TXNDC16: variants seen among roughly 807,000 people sequenced by gnomAD.
The protein encoded by TXNDC16 is thioredoxin domain-containing protein 16.
In TXNDC16, 74 loss-of-function variants were observed where a neutral mutation model predicts 85.6. The ratio of observed to expected loss-of-function variants is 0.86; its 90% CI spans 0.72 to 1.05. The LOEUF (loss-of-function observed/expected upper bound fraction) is 1.05, where lower values mean the gene tolerates loss of function less well. Among genes scored for constraint, TXNDC16 ranks in the 50% least tolerant of loss-of-function variants. The pLI is 0.00. For synonymous variants in TXNDC16, 335 were observed against 326.5 expected, an observed-to-expected ratio of 1.03 and a Z score of -0.28; for missense variants, 959 against 947.0, an observed-to-expected ratio of 1.01 and a Z score of -0.17.
chr14:52,507,819 AT>A (rs2036848983), intron 9 of TXNDC16, among the ~76,000 whole-genome samples: 1 of 152,246 alleles, frequency 6.6e-6, no homozygotes, highest in Non-Finnish European at 1.5e-5. Flanking sequence ...TGGGGAAAGG[AT>A]TCCCTATTTA....
intron 16 of TXNDC16, among the ~76,000 whole-genome samples, chr14:52,466,870 A>T (rs922941601): frequency 1.2e-4 from 18 of 152,044 alleles, no homozygotes; most frequent in African/African-American, 3.9e-4. Flanking sequence ...CCATCTCAAA[A>T]AATAATAATA....
chr14:52,542,889 T>C (rs2140229933), intron 3 of TXNDC16, among the ~76,000 whole-genome samples: 1 of 152,292 alleles, frequency 6.6e-6, no homozygotes, highest in East Asian at 1.9e-4. Context: ...ATAGTACTTT[T>C]AAGACATGAA....
intron 1 of TXNDC16, among the ~76,000 whole-genome samples, chr14:52,544,749 C>G (rs186696294): frequency 6.2e-4 from 94 of 151,824 alleles, no homozygotes; most frequent in African/African-American, 2.1e-3. Context: ...CCTAATAATT[C>G]TGTTCTTCAG....
At chr14:52,456,464 A>G (rs1226120105) in intron 17 of TXNDC16, among the ~76,000 whole-genome samples, 1 of 152,208 alleles carries the variant, frequency 6.6e-6, no homozygotes, top group Non-Finnish European at 1.5e-5. Flanking sequence ...GTTCAAGATG[A>G]AAGATTTAAG....
intron 6 of TXNDC16, among the ~76,000 whole-genome samples, chr14:52,529,898 T>C (rs2037452672): frequency 9.7e-6 from 1 of 103,550 alleles, no homozygotes; most frequent in South Asian, 3.0e-4. Flanking sequence ...TTATATATTA[T>C]ATATTATATA....
intron 7 of TXNDC16, among the ~76,000 whole-genome samples, chr14:52,515,771 T>C (rs1483427545): frequency 6.6e-6 from 1 of 151,760 alleles, no homozygotes; most frequent in African/African-American, 2.4e-5. Flanking sequence ...CTTCCTACTG[T>C]GGAAGATGAC....
intron 9 of TXNDC16, 60 bp downstream of exon 9, chr14:52,511,180 T>C (rs2036944775): frequency 1.5e-6 from 2 of 1,351,344 alleles, no homozygotes; most frequent in Middle Eastern, 3.9e-4. Context: ...ATAAGACACA[T>C]ACCTTTTGCA....
At chr14:52,459,695 G>A (rs536095271) in intron 16 of TXNDC16, among the ~76,000 whole-genome samples, 18 of 152,226 alleles carry the variant, frequency 1.2e-4, no homozygotes, top group African/African-American at 3.9e-4. Flanking sequence ...AAATCCAGTA[G>A]CACATCAAAA....
intron 8 of TXNDC16, among the ~76,000 whole-genome samples, chr14:52,514,123 T>C (rs992463010): frequency 6.6e-6 from 1 of 152,166 alleles, no homozygotes; most frequent in African/African-American, 2.4e-5. Flanking sequence ...CTCTGCCTAC[T>C]CTCCTTCCCT....
At position 52,537,586 on chromosome 14, in the gene TXNDC16, G is replaced by T; in HGVS notation, c.317+13C>A. 6.4e-7 allele frequency: 1 copy of T among 1,550,470 alleles called. No homozygotes were observed. The highest frequency in any genetic ancestry group is 1.1e-5 in the South Asian group (1 of 89,656). ...CTTTGTATTTGTCCAGCACACTCAG[G>T]AAAATAGCTTACTTGAATAAATATG... On this transcript the variant is annotated intron_variant, in intron 5 of 20. Transcript: ENST00000281741.
rs913550039 is a variant in TXNDC16 at position 52,431,657 on chromosome 14, C to A, written c.*647G>T. 7 of 152,206 alleles carry A rather than the reference C, an allele frequency of 4.6e-5. No individual in the cohort carries two copies. Among genetic ancestry groups the A allele is most frequent in the Non-Finnish European group, 8.8e-5 (6 of 68,048 alleles). 9.4% of individuals were successfully genotyped at this position (152,206 alleles called of 1,614,324 possible). A position where few individuals can be genotyped will look rare whatever the true frequency, so the allele number is the denominator to read the frequency against. On this transcript the variant is annotated 3_prime_UTR_variant, in exon 21 of 21. Coordinates refer to ENST00000281741, the MANE Select transcript of TXNDC16 (RefSeq NM_020784.3). ...GCGCTGTCCAATGCAGGTTATTTAG[C>A]AGGATCCCTGGCCTCTACTCACTAA...
intron 18 of TXNDC16, among the ~76,000 whole-genome samples, chr14:52,449,290 G>A (rs577542716): frequency 1.3e-5 from 2 of 151,992 alleles, no homozygotes; most frequent in African/African-American, 2.4e-5. Context: ...AAAAGAGCAG[G>A]AGTCGTTATA....
intron 3 of TXNDC16, among the ~76,000 whole-genome samples, chr14:52,542,670 T>G (rs2037857146): frequency 6.6e-6 from 1 of 152,184 alleles, no homozygotes; most frequent in Non-Finnish European, 1.5e-5. Context: ...TAAATGGACC[T>G]TAAAAACTTC....
At chr14:52,493,141 A>C (rs1171131536) in intron 9 of TXNDC16, among the ~76,000 whole-genome samples, 1 of 150,582 alleles carries the variant, frequency 6.6e-6, no homozygotes, top group Non-Finnish European at 1.5e-5. Flanking sequence ...ATTATATAAA[A>C]ATTTAAAAAG....
intron 1 of TXNDC16, among the ~76,000 whole-genome samples, chr14:52,547,830 C>T (rs1239261513): frequency 1.3e-5 from 2 of 152,158 alleles, no homozygotes; most frequent in East Asian, 1.9e-4. Context: ...TTTTGAATTA[C>T]CTCCACCAGG....
chr14:52,482,699 A>T (rs1255756656), intron 13 of TXNDC16, 123 bp downstream of exon 13: 1 of 729,096 alleles, frequency 1.4e-6, no homozygotes, highest in Admixed American at 3.5e-5. Flanking sequence ...CAATGCACAC[A>T]GTCTACTTGA....
intron 13 of TXNDC16, 35 bp from the exon 14 acceptor site, chr14:52,482,324 T>G: frequency 6.5e-7 from 1 of 1,544,352 alleles, no homozygotes; most frequent in Non-Finnish European, 8.9e-7. Context: ...AGATATTACA[T>G]GTATATCTAC....
At chr14:52,506,418 A>C (rs975262728) in intron 9 of TXNDC16, among the ~76,000 whole-genome samples, 4 of 152,110 alleles carry the variant, frequency 2.6e-5, no homozygotes, top group African/African-American at 4.8e-5. Context: ...GGCTGGCTCA[A>C]CATACATAAA....
chr14:52,499,435 A>G (rs2036605150), intron 9 of TXNDC16, among the ~76,000 whole-genome samples: 1 of 152,146 alleles, frequency 6.6e-6, no homozygotes, highest in South Asian at 2.1e-4. Context: ...ATTCAATAAC[A>G]AAACAAATAA....
Sources: gnomAD v4.1 joint callset for allele counts (sites outside exome capture counted in the v4.1 genomes callset) on GRCh38, gnomAD v4.1.1 for gene constraint, MANE v1.5 for transcripts, NCBI Gene and HGNC (gene_info 2026-07-23, HGNC 2026-07-21) for gene names.